Variants in TTC28 observed in about 807,000 individuals in gnomAD.
TTC28 encodes tetratricopeptide repeat protein 28.
In TTC28, 61 loss-of-function variants were observed where a neutral mutation model predicts 198.0. The observed-to-expected ratio is 0.31, with a 90% confidence interval of 0.25 to 0.38. The LOEUF is 0.38. Among genes scored for constraint, TTC28 ranks in the 10% least tolerant of loss-of-function variants. The probability of loss-of-function intolerance (pLI) is 1.00; values close to 1 mark genes in which losing one functional copy is unlikely to be tolerated. For missense variants in TTC28, 2,678 were observed against 3,164.0 expected, an observed-to-expected ratio of 0.85 and a Z score of 3.69; for synonymous variants, 1,171 against 1,297.8, an observed-to-expected ratio of 0.90 and a Z score of 2.10.
chr22:28,044,448 T>C (rs979034388), intron 12 of TTC28, among the ~76,000 whole-genome samples: 1 of 152,088 alleles, frequency 6.6e-6, no homozygotes, highest in African/African-American at 2.4e-5. Context: ...TTTTCTTTTC[T>C]TTTTTTTCTA....
intron 12 of TTC28, among the ~76,000 whole-genome samples, chr22:28,082,400 C>G (rs976511508): frequency 1.6e-4 from 24 of 152,126 alleles, no homozygotes; most frequent in Non-Finnish European, 2.2e-4. Flanking sequence ...TCATATATGG[C>G]CTTCACTATG....
intron 2 of TTC28, among the ~76,000 whole-genome samples, chr22:28,376,257 C>A (rs1423656442): frequency 1.3e-5 from 2 of 152,202 alleles, no homozygotes; most frequent in East Asian, 3.9e-4. Flanking sequence ...GTTGCTCAGA[C>A]TGGTGTAAGC....
intron 5 of TTC28, among the ~76,000 whole-genome samples, chr22:28,261,702 C>G (rs964191549): frequency 6.6e-6 from 1 of 152,144 alleles, no homozygotes; most frequent in Non-Finnish European, 1.5e-5. Context: ...TCTCAGAGGT[C>G]CTGCAGAAAG....
chr22:28,127,006 C>T lies in TTC28; in HGVS notation c.1442-18603G>A, dbSNP rs542647105. 2.0e-5 allele frequency among the ~76,000 whole-genome samples: 3 copies of T among 152,202 alleles called. No individual in the cohort carries two copies. In the South Asian group the frequency reaches 6.2e-4, roughly 32 times the overall value. On this transcript the variant is annotated intron_variant, in intron 6 of 22. Transcript: ENST00000397906. ...CTCAGCCTCCTGAGTAGCTGGGACTCCAGGCCACTGTGCTAGGCTCCAAAT... is the reference window on the plus strand; with the variant it reads ...CTCAGCCTCCTGAGTAGCTGGGACTTCAGGCCACTGTGCTAGGCTCCAAAT...
At chr22:28,589,902 G>A (rs1280363526) in intron 2 of TTC28, among the ~76,000 whole-genome samples, 5 of 151,420 alleles carry the variant, frequency 3.3e-5, no homozygotes, top group Non-Finnish European at 7.4e-5. Context: ...ACTGGGCATG[G>A]TGGTGGGTGC....
intron 5 of TTC28, among the ~76,000 whole-genome samples, chr22:28,164,877 T>A (rs1217283155): frequency 6.6e-6 from 1 of 151,932 alleles, no homozygotes; most frequent in Non-Finnish European, 1.5e-5. Context: ...ATCAAACTAC[T>A]CTGAGCTAAA....
chr22:28,033,152 G>C (rs1216337896), intron 12 of TTC28, among the ~76,000 whole-genome samples: 2 of 152,168 alleles, frequency 1.3e-5, no homozygotes, highest in Admixed American at 6.5e-5. Context: ...TTGCAGTTCT[G>C]TTCTTACTGT....
chr22:28,373,591 C>T (rs1479996546), intron 2 of TTC28, among the ~76,000 whole-genome samples: 4 of 152,150 alleles, frequency 2.6e-5, no homozygotes, highest in Non-Finnish European at 4.4e-5. Context: ...GATTTATCAT[C>T]TAGAGTGATA....
chr22:28,173,658 A>G (rs920335563), intron 5 of TTC28, among the ~76,000 whole-genome samples: 17 of 152,234 alleles, frequency 1.1e-4, no homozygotes, highest in Admixed American at 7.9e-4. Flanking sequence ...TGCATCTGAC[A>G]AGTTAGATTC....
intron 12 of TTC28, among the ~76,000 whole-genome samples, chr22:28,055,390 G>C (rs1171856126): frequency 6.6e-6 from 1 of 152,080 alleles, no homozygotes; most frequent in Non-Finnish European, 1.5e-5. Flanking sequence ...AGACAAAATG[G>C]GATAGAATGG....
chr22:27,980,727 T>C lies in TTC28; in HGVS notation c.*1494A>G, dbSNP rs994839422. 13 of 137,866 alleles carry C rather than the reference T, an allele frequency of 9.4e-5. No homozygotes were observed. The highest frequency in any genetic ancestry group is 3.4e-4 in the African/African-American group (12 of 35,484). 8.5% of individuals were successfully genotyped at this position (137,866 alleles called of 1,614,324 possible). A position where few individuals can be genotyped will look rare whatever the true frequency, so the allele number is the denominator to read the frequency against. Reference sequence around the variant, plus strand: ...TTAGAATTACCTAAAAGATACTTACTTATCTAAATTCTCCAACTAAACTCA... The same window carrying C: ...TTAGAATTACCTAAAAGATACTTACCTATCTAAATTCTCCAACTAAACTCA... On this transcript the variant is annotated 3_prime_UTR_variant, in exon 23 of 23. Coordinates refer to ENST00000397906, the MANE Select transcript of TTC28 (RefSeq NM_001145418.2).
intron 12 of TTC28, among the ~76,000 whole-genome samples, chr22:28,083,271 G>C (rs1408730243): frequency 6.6e-6 from 1 of 152,072 alleles, no homozygotes; most frequent in African/African-American, 2.4e-5. Flanking sequence ...AGCTAGAGTA[G>C]AGAGACAGAA....
intron 6 of TTC28, among the ~76,000 whole-genome samples, chr22:28,138,920 C>T (rs1048861753): frequency 6.6e-6 from 1 of 152,092 alleles, no homozygotes; most frequent in South Asian, 2.1e-4. Flanking sequence ...TAACAATGAC[C>T]ACTAGTTCTC....
At chr22:28,361,132 A>C (rs1030617447) in intron 2 of TTC28, among the ~76,000 whole-genome samples, 4 of 152,198 alleles carry the variant, frequency 2.6e-5, no homozygotes, top group African/African-American at 7.2e-5. Context: ...CTAAGTGTTC[A>C]AGTGAAAGAA....
intron 2 of TTC28, among the ~76,000 whole-genome samples, chr22:28,334,375 G>C (rs1370590396): frequency 8.5e-5 from 13 of 152,160 alleles, no homozygotes; most frequent in Non-Finnish European, 1.5e-4. Context: ...CCAGTAATGG[G>C]ATGGCTGGGT....
chr22:28,173,048 G>A (rs1432646421), intron 5 of TTC28, among the ~76,000 whole-genome samples: 4 of 152,078 alleles, frequency 2.6e-5, no homozygotes, highest in Non-Finnish European at 4.4e-5. Context: ...ATTGCAAGAC[G>A]GCTAGGCTGA....
At chr22:28,307,645 G>T (rs932618105) in intron 2 of TTC28, among the ~76,000 whole-genome samples, 17 of 152,092 alleles carry the variant, frequency 1.1e-4, no homozygotes, top group African/African-American at 4.1e-4. Flanking sequence ...TATACAACCA[G>T]CAAATTAGGT....
At chr22:28,378,866 C>A (rs2046453767) in intron 2 of TTC28, among the ~76,000 whole-genome samples, 2 of 151,212 alleles carry the variant, frequency 1.3e-5, no homozygotes, top group South Asian at 2.1e-4. Context: ...CAGGAGAGGG[C>A]AAAAAAATAT....
At chr22:28,304,516 T>C (rs1026125616) in intron 3 of TTC28, among the ~76,000 whole-genome samples, 1 of 152,114 alleles carries the variant, frequency 6.6e-6, no homozygotes, top group Non-Finnish European at 1.5e-5. Flanking sequence ...GAAGAAGATA[T>C]TGAAGCACTC....
Sources: gnomAD v4.1 joint callset for allele counts (sites outside exome capture counted in the v4.1 genomes callset) on GRCh38, gnomAD v4.1.1 for gene constraint, MANE v1.5 for transcripts, NCBI Gene and HGNC (gene_info 2026-07-23, HGNC 2026-07-21) for gene names.